The following GOLIM4 variants were observed in gnomAD, a reference collection of about 807,000 sequenced individuals.
GOLIM4 encodes 130 kDa golgi-localized phosphoprotein.
GOLIM4 carries 71 observed loss-of-function variants against 107.4 expected under a neutral mutation model. The observed-to-expected ratio is 0.66, with a 90% CI of 0.55 to 0.81. GOLIM4 has a LOEUF of 0.81. Among genes scored for constraint, GOLIM4 ranks in the 30% least tolerant of loss-of-function variants. The pLI, the probability that GOLIM4 is intolerant of heterozygous loss-of-function variation, is 0.00. For synonymous variants in GOLIM4, 327 were observed against 294.8 expected (o/e 1.11, Z -1.12); for missense variants, 830 against 826.1 (o/e 1.00, Z -0.06).
At chr3:168,024,418 G>A (rs749992900) in intron 14 of GOLIM4, 108 bp downstream of exon 14, 4 of 876,836 alleles carry the variant, frequency 4.6e-6, no homozygotes, top group Non-Finnish European at 7.7e-6. Flanking sequence ...AAATTTTTCT[G>A]AACATTTCTG....
chr3:168,031,137 T>TA (rs1718312814), intron 9 of GOLIM4, among the ~76,000 whole-genome samples: 1 of 152,214 alleles, frequency 6.6e-6, no homozygotes, highest in South Asian at 2.1e-4. Flanking sequence ...TGTAGGAGCT[T>TA]AAAAAAGCGA....
At chr3:168,063,942 G>A (rs1720412510) in intron 1 of GOLIM4, among the ~76,000 whole-genome samples, 1 of 152,154 alleles carries the variant, frequency 6.6e-6, no homozygotes, top group Admixed American at 6.5e-5. Context: ...TGGATAGCAG[G>A]ATACTTCTGA....
At position 168,027,719 on chromosome 3, in the gene GOLIM4, G is replaced by A. The variant is rs1476418309; in HGVS notation, c.1623+9C>T. 6.6e-7 allele frequency: 1 copy of A among 1,507,794 alleles called. No individual in the cohort carries two copies. The highest frequency in any genetic ancestry group is 1.4e-5 in the African/African-American group (1 of 72,890). The allele number at this position is 1,507,794 out of a possible 1,614,324, so 93.4% of individuals were successfully genotyped here. ...TACATGTGTCAGGGGCAGAAGAGAGGATACTTACATCTGCCTCAGATTCTG... is the reference window on the plus strand; with the variant it reads ...TACATGTGTCAGGGGCAGAAGAGAGAATACTTACATCTGCCTCAGATTCTG... On this transcript the variant is annotated intron_variant, in intron 12 of 15. Transcript: ENST00000470487.
intron 1 of GOLIM4, among the ~76,000 whole-genome samples, chr3:168,053,496 T>C (rs761329808): frequency 6.6e-6 from 1 of 152,230 alleles, no homozygotes; most frequent in Non-Finnish European, 1.5e-5. Flanking sequence ...TCTTCTTATA[T>C]ATAAAACAAA....
In GOLIM4 at chr3:168,029,803, C is replaced by T; in HGVS notation, c.1410G>A (p.Arg470=). ...LQRQAELEEG[R]PQHQEQLRQQ... Reference sequence around the variant, plus strand: ...ACCGGAGCTGCTCCTGGTGCTGCGGCCGGCCCTCCTCAAGCTCAGCCTGCC... The same window carrying T: ...ACCGGAGCTGCTCCTGGTGCTGCGGTCGGCCCTCCTCAAGCTCAGCCTGCC... Residue 470 remains arginine, a synonymous_variant, in exon 10 of 16, where the codon CGG becomes CGA. Coordinates refer to ENST00000470487, the MANE Select transcript of GOLIM4 (RefSeq NM_014498.5). 6.2e-7 allele frequency: 1 copy of T among 1,613,806 alleles called. No individual in the cohort carries two copies. The highest frequency in any genetic ancestry group is 8.5e-7 in the Non-Finnish European group (1 of 1,179,994).
Position 168,029,983 on chromosome 3 carries a change from C to G in GOLIM4, c.1230G>C (p.Gln410His), listed in dbSNP as rs1458096210. 6.2e-7 allele frequency: 1 copy of G among 1,614,182 alleles called. No homozygotes were observed. The highest frequency in any genetic ancestry group is 8.5e-7 in the Non-Finnish European group (1 of 1,180,006). The change falls in exon 10 of 16, where the codon CAG becomes CAC. Residue 410 changes from glutamine (Q) to histidine (H), a missense_variant. Coordinates refer to ENST00000470487, the MANE Select transcript of GOLIM4 (RefSeq NM_014498.5). The stretch of plus-strand genomic sequence containing the variant: ...GCACTGCCAGTCTCTGCTGTTCCAA[C>G]TGTTCCTCATAGGGTGATTGGAATT... ...MIKFQSPYEEQLEQQRLAVQQ... is the reference protein window; with the variant it reads ...MIKFQSPYEEHLEQQRLAVQQ...
At chr3:168,032,882 C>A in intron 8 of GOLIM4, 30 bp from the exon 9 acceptor site, 1 of 1,496,522 alleles carries the variant, frequency 6.7e-7, no homozygotes, top group South Asian at 1.2e-5. Context: ...GGGAATGACA[C>A]TCTTCCAATT....
At chr3:168,033,154 A>G (rs1486110504) in intron 8 of GOLIM4, among the ~76,000 whole-genome samples, 2 of 152,230 alleles carry the variant, frequency 1.3e-5, no homozygotes, top group African/African-American at 4.8e-5. Context: ...TTTCCCTTAG[A>G]ATAAAAAGGA....
At chr3:168,081,020 C>T (rs1721335365) in intron 1 of GOLIM4, among the ~76,000 whole-genome samples, 1 of 152,114 alleles carries the variant, frequency 6.6e-6, no homozygotes, top group African/African-American at 2.4e-5. Context: ...TCAAACCACC[C>T]CACTGTGAAG....
intron 1 of GOLIM4, among the ~76,000 whole-genome samples, chr3:168,091,066 T>A (rs1721883494): frequency 1.3e-5 from 2 of 152,186 alleles, no homozygotes; most frequent in Non-Finnish European, 2.9e-5. Flanking sequence ...GGTAAACATG[T>A]CCATTCTTTG....
At chr3:168,090,055 A>G (rs1279740005) in intron 1 of GOLIM4, among the ~76,000 whole-genome samples, 1 of 152,232 alleles carries the variant, frequency 6.6e-6, no homozygotes, top group Admixed American at 6.5e-5. Flanking sequence ...GGCGAGAGAC[A>G]GGGTGCCTGG....
intron 8 of GOLIM4, among the ~76,000 whole-genome samples, chr3:168,033,606 CAAAAAAAAAAAAAAAAAA>C (rs61728774): frequency 6.1e-4 from 19 of 31,316 alleles, no homozygotes; most frequent in East Asian, 4.2e-3. Context: ...GACTCCGTCT[CAAAAAAAAAAAAAAAAAA>C]AAAAAAAAAA....
intron 8 of GOLIM4, among the ~76,000 whole-genome samples, chr3:168,034,491 T>C (rs745630861): frequency 2.0e-5 from 3 of 152,228 alleles, no homozygotes; most frequent in Non-Finnish European, 4.4e-5. Flanking sequence ...AACCTGTCTG[T>C]TGAAGGAATA....
chr3:168,014,509 A>T (rs1397749468), intron 14 of GOLIM4, among the ~76,000 whole-genome samples: 3 of 128,430 alleles, frequency 2.3e-5, no homozygotes, highest in Non-Finnish European at 4.5e-5. Flanking sequence ...CAATCAATAG[A>T]AAAAGAGGGA....
intron 1 of GOLIM4, among the ~76,000 whole-genome samples, chr3:168,058,684 G>C (rs1180129655): frequency 6.6e-6 from 1 of 152,252 alleles, no homozygotes; most frequent in African/African-American, 2.4e-5. Flanking sequence ...GAACTGCTGA[G>C]TCAGCAGATT....
chr3:168,030,030 G>A lies in GOLIM4; in HGVS notation c.1183C>T (p.Pro395Ser). 1 of 1,614,026 alleles carries A rather than the reference G, an allele frequency of 6.2e-7. No homozygotes were observed. Among genetic ancestry groups the A allele is most frequent in the Non-Finnish European group, 8.5e-7 (1 of 1,179,918 alleles). Residue 395 changes from proline (P) to serine (S), a missense_variant, in exon 10 of 16, where the codon CCT becomes TCT. Coordinates refer to ENST00000470487, the MANE Select transcript of GOLIM4 (RefSeq NM_014498.5). The part of the protein sequence containing the change: ...LEGHARAEVY[P>S]SAKPMIKFQS... Reference sequence around the variant, plus strand: ...AATTTGATCATTGGCTTGGCTGAAGGGTACACCTAGGGTGAAAAAGAGTTG... The same window carrying A: ...AATTTGATCATTGGCTTGGCTGAAGAGTACACCTAGGGTGAAAAAGAGTTG...
rs2108256472 is a variant in GOLIM4 at position 168,050,832 on chromosome 3, ATAATAATAAT to A, written c.188-2477_188-2468del. Among the ~76,000 whole-genome samples, 3 of 83,910 alleles carry A rather than the reference ATAATAATAAT, an allele frequency of 3.6e-5. No homozygotes were observed. In the South Asian group the frequency reaches 1.4e-3, roughly 38 times the overall value. The allele number at this position is 83,910 out of a possible 152,430, so 55.0% of individuals were successfully genotyped here. ...TAACCTAGCAACACCTATAATAATA[ATAATAATAAT>A]AATAATAATAATAATAATAATAATA... On this transcript the variant is annotated intron_variant, in intron 1 of 15. Coordinates refer to ENST00000470487, the MANE Select transcript of GOLIM4 (RefSeq NM_014498.5).
chr3:168,077,263 G>C (rs1560106328), intron 1 of GOLIM4, among the ~76,000 whole-genome samples: 1 of 152,140 alleles, frequency 6.6e-6, no homozygotes, highest in Non-Finnish European at 1.5e-5. Context: ...TTACCACTCG[G>C]AGGGGCAGAG....
intron 1 of GOLIM4, among the ~76,000 whole-genome samples, chr3:168,081,830 A>C (rs577689011): frequency 6.6e-6 from 1 of 152,290 alleles, no homozygotes; most frequent in African/African-American, 2.4e-5. Context: ...AGAAATTACT[A>C]ATGGATTCTA....
Sources: gnomAD v4.1 joint callset for allele counts (sites outside exome capture counted in the v4.1 genomes callset) on GRCh38, gnomAD v4.1.1 for gene constraint, MANE v1.5 for transcripts, NCBI Gene and HGNC (gene_info 2026-07-23, HGNC 2026-07-21) for gene names.